ZNF454: variants seen among roughly 807,000 people sequenced by gnomAD.
The protein encoded by ZNF454 is zinc finger protein 454.
In ZNF454, 30 loss-of-function variants were observed where a neutral mutation model predicts 48.2. The ratio of observed to expected loss-of-function variants is 0.62; its 90% CI spans 0.47 to 0.84. The LOEUF (loss-of-function observed/expected upper bound fraction) is 0.84. ZNF454 is among the 40% of genes least tolerant of loss of function. The probability of loss-of-function intolerance (pLI) is 0.00; values close to 1 mark genes in which losing one functional copy is unlikely to be tolerated. For synonymous variants in ZNF454, 204 were observed against 211.4 expected, an observed-to-expected ratio of 0.97 and a Z score of 0.30; for missense variants, 510 against 623.1, an observed-to-expected ratio of 0.82 and a Z score of 1.93.
At chr5:178,952,646 C>T (rs1265702008) in intron 4 of ZNF454, among the ~76,000 whole-genome samples, 1 of 152,114 alleles carries the variant, frequency 6.6e-6, no homozygotes, top group Non-Finnish European at 1.5e-5. Context: ...ATCTTTTGAT[C>T]CATGAGGGAA....
chr5:178,957,499 T>TC (rs1561703162), intron 4 of ZNF454, among the ~76,000 whole-genome samples: 1 of 152,034 alleles, frequency 6.6e-6, no homozygotes, highest in Non-Finnish European at 1.5e-5. Context: ...AAGCTCCACC[T>TC]CCTGGGTTTA....
chr5:178,982,524 C>CCAAGAT, the ZNF454 span, among the ~76,000 whole-genome samples: 5 of 125,702 alleles, frequency 4.0e-5, no homozygotes, highest in Non-Finnish European at 7.8e-5. Flanking sequence ...TTGCAGTGAG[C>CCAAGAT]CAAGATCACG....
At chr5:178,966,789 A>C (rs937706510), downstream of ZNF454, among the ~76,000 whole-genome samples, 1 of 151,854 alleles carries the variant, frequency 6.6e-6, no homozygotes, top group Non-Finnish European at 1.5e-5. Context: ...ACTTATTTAA[A>C]CCATGCTTCC....
chr5:178,985,709 AAAAAAC>A, the ZNF454 span: 5 of 417,444 alleles, frequency 1.2e-5, no homozygotes, highest in Non-Finnish European at 1.4e-5. Flanking sequence ...TCTAAAAAAA[AAAAAAC>A]AAAACAACAC....
intron 1 of ZNF454, among the ~76,000 whole-genome samples, chr5:178,942,121 C>T (rs1314041525): frequency 1.3e-5 from 2 of 151,594 alleles, no homozygotes; most frequent in African/African-American, 2.4e-5. Flanking sequence ...AGATAATTCT[C>T]GGCCGAGTGC....
the ZNF454 span, chr5:178,985,360 G>T: frequency 4.8e-6 from 2 of 415,776 alleles, no homozygotes; most frequent in South Asian, 3.4e-5. Context: ...GGCCCTAACT[G>T]AGCTGCTGTC....
intron 4 of ZNF454, among the ~76,000 whole-genome samples, chr5:178,964,249 T>C (rs897648325): frequency 6.6e-6 from 1 of 151,408 alleles, no homozygotes; most frequent in Non-Finnish European, 1.5e-5. Context: ...GCCTCCTGAG[T>C]AGCTGGGACT....
chr5:178,966,725 T>G (rs749307233), downstream of ZNF454, among the ~76,000 whole-genome samples: 7 of 152,066 alleles, frequency 4.6e-5, no homozygotes, highest in Admixed American at 2.0e-4. Context: ...GAAGCCTTAG[T>G]CCTCTCCTCA....
At chr5:178,969,286 G>A (rs1397349873), downstream of ZNF454, 2 of 374,162 alleles carry the variant, frequency 5.3e-6, no homozygotes, top group East Asian at 7.3e-5. Flanking sequence ...ACATTTCTGA[G>A]GACCCTGCAG....
At chr5:178,951,060 A>G (rs926496826) in intron 4 of ZNF454, among the ~76,000 whole-genome samples, 2 of 151,926 alleles carry the variant, frequency 1.3e-5, no homozygotes, top group Non-Finnish European at 2.9e-5. Flanking sequence ...GGGTTTCACC[A>G]TGTTGGCCCA....
the ZNF454 span, chr5:178,975,754 T>C: frequency 2.5e-6 from 1 of 395,342 alleles, no homozygotes; most frequent in Non-Finnish European, 5.3e-6. Flanking sequence ...CTCAGTTACT[T>C]AATCAAACAC....
chr5:178,988,913 A>AG, the ZNF454 span: 3 of 1,588,784 alleles, frequency 1.9e-6, no homozygotes, highest in South Asian at 1.1e-5. The surrounding 1 kb of genome is among the most constrained non-coding windows in gnomAD (Gnocchi z 6.0). Flanking sequence ...TCACTGCTGC[A>AG]GGGGGGCAGG....
chr5:178,961,256 A>C (rs1218146627), intron 4 of ZNF454, among the ~76,000 whole-genome samples: 1 of 151,696 alleles, frequency 6.6e-6, no homozygotes, highest in Non-Finnish European at 1.5e-5. Flanking sequence ...AAAATAACTT[A>C]GGTAAGTTAC....
chr5:178,961,054 C>T (rs1462563211), intron 4 of ZNF454, among the ~76,000 whole-genome samples: 2 of 151,388 alleles, frequency 1.3e-5, no homozygotes, highest in Admixed American at 6.6e-5. Context: ...ACTCAGCCTC[C>T]CAAGTAGCTG....
At position 178,965,640 on chromosome 5, in the gene ZNF454, C is replaced by T. The variant is rs551190312; in HGVS notation, c.1236C>T (p.Tyr412=). The T allele has an allele frequency of 6.2e-7, 1 of 1,614,138 alleles. No individual in the cohort carries two copies. Among genetic ancestry groups the T allele is most frequent in the South Asian group, 1.1e-5 (1 of 91,082 alleles). The stretch of plus-strand genomic sequence containing the variant: ...AAATTCACACTGGAGAGAAACCTTA[C>T]AGATGTGGCTTGTGTGAGAAAGCCT... The part of the protein sequence containing the change: ...HRKIHTGEKP[Y]RCGLCEKAFR... Residue 412 remains tyrosine (Y), a synonymous_variant, in exon 5 of 5, where the codon TAC becomes TAT. Transcript: ENST00000519564. The surrounding 1 kb of genome is among the most constrained non-coding windows in gnomAD (Gnocchi z 5.2).
the ZNF454 span, chr5:178,986,494 G>T: frequency 6.2e-7 from 1 of 1,610,360 alleles, no homozygotes; most frequent in Non-Finnish European, 8.5e-7. Context: ...GAGCGGCGGG[G>T]CTGCCCAGGG....
intron 4 of ZNF454, among the ~76,000 whole-genome samples, chr5:178,952,199 G>A (rs1253577423): frequency 6.6e-6 from 1 of 152,026 alleles, no homozygotes; most frequent in Non-Finnish European, 1.5e-5. Context: ...CACTGCTCCC[G>A]GCTAATTTTT....
chr5:178,945,174 G>A lies in ZNF454; in HGVS notation c.34-1185G>A, dbSNP rs149938643. ...GAGGGTCTGGGGGATGTGTAGGGCTGTGTCTTTGTATGTGAGTTTGTGTGT... is the reference window on the plus strand; with the variant it reads ...GAGGGTCTGGGGGATGTGTAGGGCTATGTCTTTGTATGTGAGTTTGTGTGT... On this transcript the variant is annotated intron_variant, in intron 2 of 4. Coordinates refer to ENST00000519564, the MANE Select transcript of ZNF454 (RefSeq NM_001178089.3). Among the ~76,000 whole-genome samples, 226 of 148,768 alleles carry A rather than the reference G, an allele frequency of 1.5e-3. 1 individual carries two copies. Among genetic ancestry groups the A allele is most frequent in the Non-Finnish European group, 2.7e-3 (182 of 67,228 alleles).
At chr5:178,983,436 G>A in the ZNF454 span, 33,041 of 698,442 alleles carry the variant, frequency 0.047, 1,279 homozygotes, top group East Asian at 0.16. Context: ...CCAAAGGCCC[G>A]TGACCTGGCA....
Sources: gnomAD v4.1 joint callset for allele counts (sites outside exome capture counted in the v4.1 genomes callset) on GRCh38, gnomAD v4.1.1 for gene constraint, Gnocchi (gnomAD v3.1) non-coding constraint, MANE v1.5 for transcripts, NCBI Gene and HGNC (gene_info 2026-07-23, HGNC 2026-07-21) for gene names.